The following LIPC variants were observed in gnomAD, a reference collection of about 807,000 sequenced individuals.
The protein encoded by LIPC is lipase C, hepatic type, also known as hepatic triacylglycerol lipase.
LIPC carries 44 observed loss-of-function variants against 50.7 expected under a neutral mutation model. The observed-to-expected ratio is 0.87, with a 90% CI of 0.68 to 1.11. LIPC has a LOEUF of 1.11. Ranked by LOEUF, LIPC falls within the 50% of genes most tolerant of loss-of-function variation. The pLI, the probability that LIPC is intolerant of heterozygous loss-of-function variation, is 0.00. For synonymous variants in LIPC, 271 were observed against 256.4 expected (o/e 1.06, Z -0.54); for missense variants, 697 against 648.2 (o/e 1.08, Z -0.82).
At chr15:58,472,595 T>A (rs1227039305) in intron 1 of LIPC, among the ~76,000 whole-genome samples, 11 of 111,362 alleles carry the variant, frequency 9.9e-5, no homozygotes, top group Admixed American at 5.5e-4. Flanking sequence ...AAAAAAAAAA[T>A]CTTGCCCCTT....
At chr15:58,516,077 C>T (rs1892477872) in intron 1 of LIPC, among the ~76,000 whole-genome samples, 1 of 152,170 alleles carries the variant, frequency 6.6e-6, no homozygotes, top group African/African-American at 2.4e-5. Flanking sequence ...CATCTACCAA[C>T]ATACAAGGAG....
chr15:58,471,114 G>A (rs1183480070), intron 1 of LIPC, among the ~76,000 whole-genome samples: 1 of 149,702 alleles, frequency 6.7e-6, no homozygotes, highest in Non-Finnish European at 1.5e-5. Context: ...ATGGTAAGTA[G>A]GATTTTTTTT....
intron 1 of LIPC, among the ~76,000 whole-genome samples, chr15:58,502,507 C>T (rs1467471614): frequency 4.9e-5 from 1 of 20,386 alleles, no homozygotes; most frequent in Non-Finnish European, 1.3e-4. Flanking sequence ...ATGTAATTTT[C>T]TCTTTTTTTT....
At chr15:58,496,772 T>C (rs1176958830) in intron 1 of LIPC, among the ~76,000 whole-genome samples, 9 of 83,838 alleles carry the variant, frequency 1.1e-4, no homozygotes, top group African/African-American at 3.7e-4. Flanking sequence ...TAAGATGGAG[T>C]CTCCCTCTGT....
intron 6 of LIPC, among the ~76,000 whole-genome samples, chr15:58,557,317 T>G (rs898320256): frequency 3.3e-5 from 5 of 150,426 alleles, no homozygotes; most frequent in Non-Finnish European, 7.4e-5. Context: ...AGCAAAGCAC[T>G]TGGCAAAAAC....
At chr15:58,500,844 C>T (rs1891960990) in intron 1 of LIPC, among the ~76,000 whole-genome samples, 1 of 150,622 alleles carries the variant, frequency 6.6e-6, no homozygotes. Context: ...AACTCATCCT[C>T]TATATTATCC....
chr15:58,466,463 T>A (rs1894568023), intron 1 of LIPC, among the ~76,000 whole-genome samples: 2 of 152,376 alleles, frequency 1.3e-5, no homozygotes, highest in South Asian at 4.1e-4. Context: ...AGTTTTCTCA[T>A]CTTATAAAAT....
In LIPC at chr15:58,569,005, A is replaced by C; in HGVS notation, c.*178A>C. On this transcript the variant is annotated 3_prime_UTR_variant, in exon 9 of 9. Coordinates refer to ENST00000299022, the MANE Select transcript of LIPC (RefSeq NM_000236.3). ...GAGCTTTTAAAAACGATATGATATA[A>C]CTATTTTCCAGTATCAGTACAACCA... The C allele has an allele frequency of 2.1e-6, 1 of 483,800 alleles. No homozygotes were observed. Among genetic ancestry groups the C allele is most frequent in the Non-Finnish European group, 3.6e-6 (1 of 275,050 alleles). 30.0% of individuals were successfully genotyped at this position (483,800 alleles called of 1,614,324 possible).
intron 1 of LIPC, among the ~76,000 whole-genome samples, chr15:58,448,189 T>G (rs1566910106): frequency 6.6e-6 from 1 of 152,192 alleles, no homozygotes; most frequent in Non-Finnish European, 1.5e-5. Flanking sequence ...GCTGTGTGAC[T>G]TTGGATAAAT....
At chr15:58,469,131 T>TGC (rs1265140947) in intron 1 of LIPC, among the ~76,000 whole-genome samples, 3 of 151,486 alleles carry the variant, frequency 2.0e-5, no homozygotes, top group Non-Finnish European at 4.4e-5. Flanking sequence ...TGTGTGTGTG[T>TGC]GTGTGTGTGT....
intron 1 of LIPC, among the ~76,000 whole-genome samples, chr15:58,536,820 C>T (rs1425681759): frequency 6.6e-6 from 1 of 152,164 alleles, no homozygotes; most frequent in Admixed American, 6.5e-5. Context: ...AATCATTGCC[C>T]TTTGCTGAGA....
At chr15:58,562,249 A>G (rs1411876383) in intron 7 of LIPC, among the ~76,000 whole-genome samples, 2 of 151,972 alleles carry the variant, frequency 1.3e-5, no homozygotes, top group Non-Finnish European at 2.9e-5. Flanking sequence ...GCTCCCACCA[A>G]CTGCTCAATG....
At chr15:58,437,121 T>C (rs1280175510) in intron 1 of LIPC, among the ~76,000 whole-genome samples, 1 of 152,070 alleles carries the variant, frequency 6.6e-6, no homozygotes, top group Non-Finnish European at 1.5e-5. Context: ...AATGATGAAG[T>C]TCAGAAACAA....
At chr15:58,546,092 C>T in intron 5 of LIPC, 117 bp downstream of exon 5, 2 of 912,234 alleles carry the variant, frequency 2.2e-6, no homozygotes. Context: ...GATAGGGGCC[C>T]AGGGTGTATG....
At chr15:58,524,807 G>A (rs1406390479) in intron 1 of LIPC, among the ~76,000 whole-genome samples, 1 of 151,998 alleles carries the variant, frequency 6.6e-6, no homozygotes, top group Non-Finnish European at 1.5e-5. Flanking sequence ...TAGATATCGG[G>A]GATATTCGCC....
At chr15:58,467,847 T>G (rs2140729995) in intron 1 of LIPC, among the ~76,000 whole-genome samples, 1 of 152,344 alleles carries the variant, frequency 6.6e-6, no homozygotes, top group South Asian at 2.1e-4. Flanking sequence ...GTTTGGCAAC[T>G]CTTGGTGTTC....
chr15:58,494,630 C>T, intron 1 of LIPC: 1 of 386,244 alleles, frequency 2.6e-6, no homozygotes, highest in South Asian at 2.0e-5. Flanking sequence ...GAGCTAACAG[C>T]CCTGACCCAC....
intron 8 of LIPC, among the ~76,000 whole-genome samples, chr15:58,564,358 G>T (rs1169600704): frequency 5.9e-5 from 9 of 152,002 alleles, no homozygotes; most frequent in Non-Finnish European, 1.0e-4. Flanking sequence ...AAGAAATGCT[G>T]CTGTGTTTGA....
intron 7 of LIPC, 52 bp downstream of exon 7, chr15:58,561,033 A>G (rs1894143699): frequency 1.1e-6 from 1 of 897,398 alleles, no homozygotes; most frequent in African/African-American, 1.6e-5. Flanking sequence ...TTTTTCTTGC[A>G]GAACATAAAT....
Sources: allele counts gnomAD v4.1 joint callset (sites outside exome capture counted in the v4.1 genomes callset), GRCh38; gene constraint gnomAD v4.1.1; transcripts MANE v1.5; gene names NCBI Gene and HGNC (gene_info 2026-07-23, HGNC 2026-07-21).